The following CSMD1 variants were observed in gnomAD, a reference collection of about 807,000 sequenced individuals.
CSMD1 encodes CUB and sushi domain-containing protein 1.
A neutral mutation model predicts 417.5 loss-of-function variants in CSMD1; 213 were observed. The ratio of observed to expected loss-of-function variants is 0.51; its 90% confidence interval spans 0.46 to 0.57. CSMD1 has a LOEUF of 0.57. CSMD1 is among the 20% of genes least tolerant of loss of function. The pLI, the probability that CSMD1 is intolerant of heterozygous loss-of-function variation, is 0.00. For missense variants in CSMD1, 6,923 were observed against 4,529.7 expected (o/e 1.53, Z -15.17); for synonymous variants, 2,862 against 1,736.8 (o/e 1.65, Z -16.11).
intron 10 of CSMD1, among the ~76,000 whole-genome samples, chr8:3,507,251 A>G (rs767815393): frequency 1.1e-4 from 16 of 152,180 alleles, no homozygotes; most frequent in Non-Finnish European, 1.3e-4. Flanking sequence ...TTGTAGAAGT[A>G]AAAAGGAAAA....
At chr8:3,142,765 C>T (rs1818582891) in intron 40 of CSMD1, 91 bp from the exon 41 acceptor site, 2 of 1,017,146 alleles carry the variant, frequency 2.0e-6, no homozygotes, top group Non-Finnish European at 1.5e-6. Context: ...TAGCAGTCTC[C>T]CCAGACAATC....
intron 1 of CSMD1, among the ~76,000 whole-genome samples, chr8:4,873,987 T>C (rs573190573): frequency 4.6e-5 from 7 of 152,116 alleles, no homozygotes; most frequent in South Asian, 2.1e-4. Flanking sequence ...TCATTCGGAG[T>C]AAATAACCAC....
At chr8:4,374,180 A>C (rs1401759193) in intron 3 of CSMD1, among the ~76,000 whole-genome samples, 1 of 152,086 alleles carries the variant, frequency 6.6e-6, no homozygotes, top group African/African-American at 2.4e-5. Flanking sequence ...CCCCCCTCTG[A>C]GTTCCAGTCC....
At chr8:3,205,889 A>C (rs1162648149) in intron 30 of CSMD1, among the ~76,000 whole-genome samples, 2 of 152,164 alleles carry the variant, frequency 1.3e-5, no homozygotes, top group African/African-American at 2.4e-5. Context: ...AACATCTATA[A>C]TAATAATAAA....
intron 50 of CSMD1, among the ~76,000 whole-genome samples, chr8:3,037,022 G>A (rs1810726314): frequency 6.6e-6 from 1 of 152,038 alleles, no homozygotes; most frequent in African/African-American, 2.4e-5. Flanking sequence ...TCATTCTTAT[G>A]CATTTGCATC....
chr8:3,965,520 A>G (rs906927866), intron 5 of CSMD1, among the ~76,000 whole-genome samples: 1 of 152,248 alleles, frequency 6.6e-6, no homozygotes, highest in Non-Finnish European at 1.5e-5. Flanking sequence ...GGTTCGGCTG[A>G]AACAATAGAG....
intron 10 of CSMD1, among the ~76,000 whole-genome samples, chr8:3,497,690 G>T (rs967668959): frequency 2.0e-5 from 3 of 152,194 alleles, no homozygotes; most frequent in African/African-American, 4.8e-5. Flanking sequence ...TGCCTTTACA[G>T]GTGCAGTGAG....
At chr8:4,727,521 T>C (rs1236004728) in intron 1 of CSMD1, among the ~76,000 whole-genome samples, 1 of 152,162 alleles carries the variant, frequency 6.6e-6, no homozygotes, top group African/African-American at 2.4e-5. Context: ...AAATAATGCC[T>C]TCTGGGTGTG....
At chr8:4,620,954 A>G (rs1428105704) in intron 2 of CSMD1, among the ~76,000 whole-genome samples, 1 of 152,072 alleles carries the variant, frequency 6.6e-6, no homozygotes, top group Non-Finnish European at 1.5e-5. Flanking sequence ...CTTTAAAAAA[A>G]TCAAGAAAAT....
chr8:3,388,893 GCATA>G (rs1811171182), intron 17 of CSMD1, among the ~76,000 whole-genome samples: 1 of 92,968 alleles, frequency 1.1e-5, no homozygotes, highest in African/African-American at 4.4e-5. Context: ...CCACACACAT[GCATA>G]CACACACACA....
intron 21 of CSMD1, among the ~76,000 whole-genome samples, chr8:3,353,932 G>A (rs1396828515): frequency 8.5e-5 from 13 of 152,062 alleles, no homozygotes; most frequent in Admixed American, 8.5e-4. Flanking sequence ...CTGTACAAAG[G>A]AATCTACCTG....
At chr8:4,435,500 G>T (rs551224596) in intron 2 of CSMD1, among the ~76,000 whole-genome samples, 2 of 152,272 alleles carry the variant, frequency 1.3e-5, no homozygotes, top group Non-Finnish European at 2.9e-5. Flanking sequence ...GATATGATTT[G>T]TCCAGGAAAA....
At chr8:3,502,247 C>A (rs1480200571) in intron 10 of CSMD1, among the ~76,000 whole-genome samples, 1 of 150,746 alleles carries the variant, frequency 6.6e-6, no homozygotes, top group African/African-American at 2.5e-5. Context: ...CGCCTGTAGT[C>A]CCAGCTACTC....
At chr8:3,411,136 G>T (rs544757825) in intron 12 of CSMD1, among the ~76,000 whole-genome samples, 2 of 152,276 alleles carry the variant, frequency 1.3e-5, no homozygotes, top group East Asian at 3.9e-4. Flanking sequence ...AGGAGACCTG[G>T]TGTCATCTGA....
At chr8:4,438,190 T>C (rs1585074463) in intron 2 of CSMD1, among the ~76,000 whole-genome samples, 1 of 152,162 alleles carries the variant, frequency 6.6e-6, no homozygotes, top group East Asian at 1.9e-4. Flanking sequence ...CTCATAAACA[T>C]TGAGATCGAT....
At chr8:4,692,766 C>A (rs1195831068) in intron 1 of CSMD1, among the ~76,000 whole-genome samples, 1 of 152,162 alleles carries the variant, frequency 6.6e-6, no homozygotes, top group Non-Finnish European at 1.5e-5. Context: ...AATTCTAGTT[C>A]CTATTGTTTC....
intron 10 of CSMD1, among the ~76,000 whole-genome samples, chr8:3,500,572 A>G (rs78283017): frequency 0.014 from 2,169 of 152,326 alleles, 54 homozygotes; most frequent in African/African-American, 0.049. Context: ...TGAGGAAGAA[A>G]TGACAAAGAA....
At chr8:3,783,388 G>T (rs1007353989) in intron 5 of CSMD1, among the ~76,000 whole-genome samples, 1 of 152,172 alleles carries the variant, frequency 6.6e-6, no homozygotes, top group African/African-American at 2.4e-5. Flanking sequence ...CATGCCCCTG[G>T]GGTGACCCAC....
intron 5 of CSMD1, among the ~76,000 whole-genome samples, chr8:3,948,240 C>T (rs78679604): frequency 0.043 from 6,520 of 152,012 alleles, 223 homozygotes; most frequent in Non-Finnish European, 0.063. Context: ...CAACAAGTGT[C>T]GCAGACATAG....
Sources: allele counts gnomAD v4.1 joint callset (sites outside exome capture counted in the v4.1 genomes callset), GRCh38; gene constraint gnomAD v4.1.1; transcripts MANE v1.5; gene names NCBI Gene and HGNC (gene_info 2026-07-23, HGNC 2026-07-21).